GSE1: variants seen among roughly 807,000 people sequenced by gnomAD.
The protein encoded by GSE1 is genetic suppressor element 1.
Under a neutral mutation model 112.6 loss-of-function variants are expected in GSE1, and 32 were observed. That is an observed-to-expected ratio of 0.28 (90% CI 0.21 to 0.38). The LOEUF (loss-of-function observed/expected upper bound fraction) is 0.38, where lower values mean the gene tolerates loss of function less well. Ranked by LOEUF, GSE1 falls within the 10% of genes least tolerant of loss-of-function variation. The pLI is 1.00. For missense variants in GSE1, 2,348 were observed against 1,699.2 expected, an observed-to-expected ratio of 1.38 and a Z score of -6.71; for synonymous variants, 1,115 against 735.6, an observed-to-expected ratio of 1.52 and a Z score of -8.35.
intron 8 of GSE1, among the ~76,000 whole-genome samples, 159 bp downstream of exon 8, chr16:85,657,763 C>T (rs551590737): frequency 6.6e-6 from 1 of 152,184 alleles, no homozygotes; most frequent in African/African-American, 2.4e-5. Flanking sequence ...GCCTGTCTTG[C>T]CTATGGGGAA....
chr16:85,323,258 A>G (rs2046153204), intron 1 of GSE1, among the ~76,000 whole-genome samples: 1 of 152,172 alleles, frequency 6.6e-6, no homozygotes, highest in Admixed American at 6.5e-5. Flanking sequence ...GGTGGGAGAC[A>G]GCATTCAGTG....
chr16:85,455,407 G>GA (rs1277153760), intron 2 of GSE1, among the ~76,000 whole-genome samples: 3 of 151,910 alleles, frequency 2.0e-5, no homozygotes, highest in African/African-American at 7.3e-5. Flanking sequence ...GAGAGAGAAA[G>GA]AAAGAAAAGA....
At chr16:85,204,168 T>C (rs562688847) in intron 1 of GSE1, among the ~76,000 whole-genome samples, 2 of 152,356 alleles carry the variant, frequency 1.3e-5, no homozygotes, top group African/African-American at 2.4e-5. Flanking sequence ...GTGAATCTCC[T>C]TTCCGTCTAC....
intron 2 of GSE1, among the ~76,000 whole-genome samples, chr16:85,375,155 A>C (rs2047391680): frequency 1.3e-5 from 2 of 152,204 alleles, no homozygotes; most frequent in Admixed American, 1.3e-4. Context: ...GGCCCTCAGG[A>C]CACCCAGCTC....
intron 1 of GSE1, among the ~76,000 whole-genome samples, chr16:85,310,786 C>T (rs1429680437): frequency 6.6e-6 from 1 of 151,822 alleles, no homozygotes; most frequent in Non-Finnish European, 1.5e-5. Flanking sequence ...TGCGTCCCCC[C>T]CCCACCCACC....
intron 2 of GSE1, among the ~76,000 whole-genome samples, chr16:85,450,837 G>A (rs1273578445): frequency 6.6e-6 from 1 of 152,018 alleles, no homozygotes; most frequent in African/African-American, 2.4e-5. Flanking sequence ...GAGGTGGGCC[G>A]ATCACCTAAG....
At chr16:85,333,255 C>T (rs994123390) in intron 1 of GSE1, among the ~76,000 whole-genome samples, 14 of 152,140 alleles carry the variant, frequency 9.2e-5, no homozygotes, top group Admixed American at 3.3e-4. Context: ...CACCCTGGCT[C>T]TGAAGGCCTC....
intron 2 of GSE1, among the ~76,000 whole-genome samples, chr16:85,644,717 G>T (rs2050712577): frequency 6.6e-6 from 1 of 152,056 alleles, no homozygotes. Context: ...GCTCTGAAAT[G>T]GATTGTGGTG....
chr16:85,331,365 G>GTATATATATGTATA (rs1169859492), intron 1 of GSE1, among the ~76,000 whole-genome samples: 1 of 101,132 alleles, frequency 9.9e-6, no homozygotes, highest in Non-Finnish European at 2.1e-5. Flanking sequence ...GTGTGTGTGT[G>GTATATATATGTATA]TATATATGTA....
intron 1 of GSE1, among the ~76,000 whole-genome samples, chr16:85,244,677 C>A (rs1417953592): frequency 6.8e-6 from 1 of 147,200 alleles, no homozygotes; most frequent in Non-Finnish European, 1.5e-5. Flanking sequence ...TAGTGAGACC[C>A]CAATCTCTAC....
At chr16:85,377,786 G>A (rs1480787168) in intron 2 of GSE1, among the ~76,000 whole-genome samples, 1 of 152,242 alleles carries the variant, frequency 6.6e-6, no homozygotes, top group Non-Finnish European at 1.5e-5. Context: ...GTTGCAGGAG[G>A]AGGCTCCCTG....
chr16:85,186,843 G>A (rs1356271067), intron 1 of GSE1, among the ~76,000 whole-genome samples: 1 of 152,216 alleles, frequency 6.6e-6, no homozygotes, highest in Non-Finnish European at 1.5e-5. Flanking sequence ...TGATGATGGT[G>A]GTGGTGATAA....
At chr16:85,445,163 C>T (rs909523791) in intron 2 of GSE1, among the ~76,000 whole-genome samples, 14 of 152,354 alleles carry the variant, frequency 9.2e-5, no homozygotes, top group African/African-American at 2.9e-4. Flanking sequence ...GACTGGGCAT[C>T]GGGGTGCCAC....
chr16:85,626,883 C>A (rs1035685515), intron 1 of GSE1, among the ~76,000 whole-genome samples: 1 of 151,846 alleles, frequency 6.6e-6, no homozygotes, highest in Non-Finnish European at 1.5e-5. Flanking sequence ...AGGCCTCCCC[C>A]CTCGTTTAAA....
chr16:85,329,626 C>T (rs971224110), intron 1 of GSE1, among the ~76,000 whole-genome samples: 15 of 151,856 alleles, frequency 9.9e-5, no homozygotes, highest in Non-Finnish European at 1.8e-4. Flanking sequence ...GGAGAAGGTT[C>T]GCCTGTGCCA....
chr16:85,602,543 T>C (rs2151487867), intron 1 of GSE1, among the ~76,000 whole-genome samples: 1 of 152,184 alleles, frequency 6.6e-6, no homozygotes, highest in Non-Finnish European at 1.5e-5. Context: ...ACATCTGTCC[T>C]GGGCCTAGGG....
Position 85,666,280 on chromosome 16 carries a change from A to G in GSE1, c.3063A>G (p.Glu1021=). 6.2e-7 allele frequency: 1 copy of G among 1,613,926 alleles called. No homozygotes were observed. Among genetic ancestry groups the G allele is most frequent in the Middle Eastern group, 1.7e-4 (1 of 6,060 alleles). The stretch of plus-strand genomic sequence containing the variant: ...AGCCGTGGGAGCCCTTTGTGGCAGA[A>G]GAGTTTGCACATCAGTTCCACGAGT... The part of the protein sequence containing the change: ...KSKPWEPFVA[E]EFAHQFHESV... Residue 1021 remains glutamate, a synonymous_variant, in exon 13 of 16, where the codon GAA becomes GAG. Coordinates refer to ENST00000253458, the MANE Select transcript of GSE1 (RefSeq NM_014615.5).
intron 2 of GSE1, among the ~76,000 whole-genome samples, chr16:85,478,008 A>G (rs1343235575): frequency 6.6e-6 from 1 of 151,920 alleles, no homozygotes; most frequent in African/African-American, 2.4e-5. Flanking sequence ...CCCCCTCCCC[A>G]TTAGCGGTCA....
chr16:85,442,027 C>T (rs1046650584), intron 2 of GSE1, among the ~76,000 whole-genome samples: 1 of 152,262 alleles, frequency 6.6e-6, no homozygotes, highest in Admixed American at 6.5e-5. Flanking sequence ...ACGTGGGCCC[C>T]TGCTGCAGCC....
Sources: gnomAD v4.1 joint callset for allele counts (sites outside exome capture counted in the v4.1 genomes callset) on GRCh38, gnomAD v4.1.1 for gene constraint, MANE v1.5 for transcripts, NCBI Gene and HGNC (gene_info 2026-07-23, HGNC 2026-07-21) for gene names.